Variants in TMC1 observed in about 807,000 individuals in gnomAD.
The protein encoded by TMC1 is transmembrane channel like 1.
Under a neutral mutation model 105.8 loss-of-function variants are expected in TMC1, and 84 were observed. The observed-to-expected ratio is 0.79, with a 90% CI of 0.67 to 0.95. The LOEUF (loss-of-function observed/expected upper bound fraction) is 0.95. TMC1 is among the 40% of genes least tolerant of loss of function. The probability of loss-of-function intolerance (pLI) is 0.00; values close to 1 mark genes in which losing one functional copy is unlikely to be tolerated. For missense variants in TMC1, 817 were observed against 914.1 expected, an observed-to-expected ratio of 0.89 and a Z score of 1.37; for synonymous variants, 315 against 311.5, an observed-to-expected ratio of 1.01 and a Z score of -0.12.
intron 17 of TMC1, among the ~76,000 whole-genome samples, chr9:72,793,694 G>A (rs770880689): frequency 6.6e-6 from 1 of 152,172 alleles, no homozygotes; most frequent in Non-Finnish European, 1.5e-5. Flanking sequence ...AGCCTTCACT[G>A]TTGCTACCTC....
At chr9:72,675,408 G>A (rs922042112) in intron 5 of TMC1, among the ~76,000 whole-genome samples, 2 of 152,056 alleles carry the variant, frequency 1.3e-5, no homozygotes, top group African/African-American at 4.8e-5. Context: ...CTAAGATGTG[G>A]CTTATTCCAA....
intron 10 of TMC1, among the ~76,000 whole-genome samples, chr9:72,750,551 T>TC (rs1171802060): frequency 2.6e-5 from 4 of 151,664 alleles, no homozygotes; most frequent in East Asian, 1.9e-4. Flanking sequence ...TGCTTTTTTT[T>TC]TCTCTCTCTC....
At chr9:72,784,582 A>G (rs1264031154) in intron 13 of TMC1, among the ~76,000 whole-genome samples, 1 of 152,218 alleles carries the variant, frequency 6.6e-6, no homozygotes, top group Non-Finnish European at 1.5e-5. Context: ...AAGCAATCCA[A>G]TTACTGGGTA....
intron 1 of TMC1, among the ~76,000 whole-genome samples, chr9:72,533,503 T>A (rs1823530960): frequency 6.6e-6 from 1 of 152,200 alleles, no homozygotes; most frequent in Non-Finnish European, 1.5e-5. Context: ...GAGTTGTGGT[T>A]AAGTACACCT....
At chr9:72,731,766 T>G (rs1277921431) in intron 8 of TMC1, among the ~76,000 whole-genome samples, 1 of 152,158 alleles carries the variant, frequency 6.6e-6, no homozygotes, top group East Asian at 1.9e-4. Context: ...AGGTATGTTT[T>G]CATCTCTTCA....
At chr9:72,668,829 C>T (rs1203243856) in intron 5 of TMC1, among the ~76,000 whole-genome samples, 1 of 152,098 alleles carries the variant, frequency 6.6e-6, no homozygotes. Context: ...TTCATAGAGA[C>T]ACAGGGCTAT....
At chr9:72,587,628 AG>A (rs1386715171) in intron 2 of TMC1, among the ~76,000 whole-genome samples, 2 of 152,138 alleles carry the variant, frequency 1.3e-5, no homozygotes, top group Non-Finnish European at 2.9e-5. Context: ...CCACTATGAG[AG>A]GGGGAAGGAA....
At chr9:72,605,029 C>T (rs1415904314) in intron 2 of TMC1, among the ~76,000 whole-genome samples, 3 of 152,146 alleles carry the variant, frequency 2.0e-5, no homozygotes, top group African/African-American at 7.2e-5. Flanking sequence ...ATGCTATTCT[C>T]TTCTCTTAAA....
intron 2 of TMC1, among the ~76,000 whole-genome samples, chr9:72,582,716 T>G (rs913461547): frequency 6.6e-6 from 1 of 152,240 alleles, no homozygotes; most frequent in African/African-American, 2.4e-5. Flanking sequence ...AAAGCTTCAG[T>G]GCTTCATGTA....
chr9:72,826,902 G>A lies in TMC1; in HGVS notation c.2037G>A (p.Glu679=). The change falls in exon 21 of 24, where the codon GAG becomes GAA. Residue 679 remains glutamate (E), a synonymous_variant. Transcript: ENST00000297784. ...GKNRMFEVIG[E]TLEHDFPSWM... The stretch of plus-strand genomic sequence containing the variant: ...ATAGAATGTTTGAAGTCATTGGAGA[G>A]ACCCTGGAGCACGATTTCCCAAGCT... The A allele has an allele frequency of 1.2e-6, 2 of 1,614,058 alleles. No homozygotes were observed. The highest frequency in any genetic ancestry group is 2.2e-5 in the East Asian group (1 of 44,878).
At position 72,771,534 on chromosome 9, in the gene TMC1, C is replaced by T. The variant is rs868063174; in HGVS notation, c.742-879C>T. Among the ~76,000 whole-genome samples the T allele has an allele frequency of 3.3e-5, 5 of 152,132 alleles. No individual in the cohort carries two copies. The South Asian group carries it at 1.0e-3, about 32-fold the overall frequency. ...TTTCTAAGATTCAGGGTTGACTCAC[C>T]TGATCTCAAGAGGAAGCCCCATATT... On this transcript the variant is annotated intron_variant, in intron 12 of 23. Coordinates refer to ENST00000297784, the MANE Select transcript of TMC1 (RefSeq NM_138691.3).
intron 1 of TMC1, among the ~76,000 whole-genome samples, chr9:72,573,716 T>G (rs1359703917): frequency 6.6e-6 from 1 of 152,238 alleles, no homozygotes; most frequent in East Asian, 1.9e-4. Context: ...TTTCTGTTAC[T>G]GCAATATTTT....
chr9:72,810,395 TC>T (rs1196059362), intron 18 of TMC1, among the ~76,000 whole-genome samples: 1 of 152,182 alleles, frequency 6.6e-6, no homozygotes, highest in African/African-American at 2.4e-5. Flanking sequence ...ATGATTTTTT[TC>T]TTCTGAATTC....
chr9:72,636,735 A>G (rs923805831), intron 4 of TMC1, among the ~76,000 whole-genome samples: 1 of 148,854 alleles, frequency 6.7e-6, no homozygotes, highest in Non-Finnish European at 1.5e-5. Context: ...GGATTCAGCA[A>G]TGTGTGGTTC....
chr9:72,788,507 C>G (rs759777650), intron 14 of TMC1, 24 bp downstream of exon 14: 22 of 1,613,180 alleles, frequency 1.4e-5, no homozygotes, highest in Non-Finnish European at 1.8e-5. Context: ...CTTCAAAAAC[C>G]TGCTGTTTGT....
chr9:72,553,794 A>C (rs2132073653), intron 1 of TMC1, among the ~76,000 whole-genome samples: 1 of 152,322 alleles, frequency 6.6e-6, no homozygotes, highest in African/African-American at 2.4e-5. Context: ...ATTAGAGATC[A>C]TGCCACCAGT....
intron 1 of TMC1, among the ~76,000 whole-genome samples, chr9:72,545,961 CA>C (rs993133059): frequency 1.4e-5 from 2 of 138,814 alleles, no homozygotes; most frequent in African/African-American, 5.5e-5. Flanking sequence ...AAAAAAAAAA[CA>C]AACCTTCACT....
intron 5 of TMC1, among the ~76,000 whole-genome samples, chr9:72,679,316 T>C (rs1826252776): frequency 1.3e-5 from 2 of 152,098 alleles, no homozygotes; most frequent in South Asian, 4.1e-4. Flanking sequence ...TCTAGACCTT[T>C]ATTTCCTAAC....
intron 2 of TMC1, among the ~76,000 whole-genome samples, chr9:72,597,159 A>G (rs1824734513): frequency 6.6e-6 from 1 of 152,196 alleles, no homozygotes; most frequent in Non-Finnish European, 1.5e-5. Flanking sequence ...TTTGTAAAAT[A>G]CTTTCTAATG....
Sources: allele counts gnomAD v4.1 joint callset (sites outside exome capture counted in the v4.1 genomes callset), GRCh38; gene constraint gnomAD v4.1.1; transcripts MANE v1.5; gene names NCBI Gene and HGNC (gene_info 2026-07-23, HGNC 2026-07-21).